Variants in HTR1F observed in about 807,000 individuals in gnomAD.
HTR1F encodes 5-hydroxytryptamine receptor 1F.
A neutral mutation model predicts 24.0 loss-of-function variants in HTR1F; 17 were observed. That is an observed-to-expected ratio of 0.71 (90% CI 0.48 to 1.06). HTR1F has a LOEUF of 1.06. Among genes scored for constraint, HTR1F ranks in the 50% least tolerant of loss-of-function variants. HTR1F has a pLI of 0.00. For missense variants in HTR1F, 391 were observed against 427.8 expected, an observed-to-expected ratio of 0.91 and a Z score of 0.76; for synonymous variants, 186 against 156.8, an observed-to-expected ratio of 1.19 and a Z score of -1.39.
At chr3:87,914,767 G>A (rs1410190602) in intron 2 of HTR1F, among the ~76,000 whole-genome samples, 4 of 152,032 alleles carry the variant, frequency 2.6e-5, no homozygotes, top group Non-Finnish European at 4.4e-5. Context: ...CACCCTGGTA[G>A]CTGAAGACAA....
rs187126300 is a variant in HTR1F at position 87,837,663 on chromosome 3, A to G, written c.-43+15539A>G. On this transcript the variant is annotated intron_variant, in intron 2 of 2. Transcript: ENST00000319595. ...AAATAGATGAATATACAGAATTCTA[A>G]ATACATTGGATAATTTATTATTATT... Among the ~76,000 whole-genome samples, 243 of 152,196 alleles carry G rather than the reference A, an allele frequency of 1.6e-3. No homozygotes were observed. The South Asian group carries it at 0.018, about 11-fold the overall frequency.
At chr3:87,956,171 T>G (rs1184874885) in intron 2 of HTR1F, among the ~76,000 whole-genome samples, 1 of 151,434 alleles carries the variant, frequency 6.6e-6, no homozygotes, top group East Asian at 1.9e-4. Context: ...TGTTTTATTG[T>G]TTTGACTTTT....
In HTR1F at chr3:87,975,955, T is replaced by C. The variant is rs551210504; in HGVS notation, c.-42-14753T>C. Among the ~76,000 whole-genome samples, 5 of 152,332 alleles carry C rather than the reference T, an allele frequency of 3.3e-5. No individual in the cohort carries two copies. In the East Asian group the frequency reaches 5.8e-4, roughly 18 times the overall value. Reference sequence around the variant, plus strand: ...CTGACAGCAATTAGCACTCACACTATGTTACTAGACTTCTGCTTTATGTAC... The same window carrying C: ...CTGACAGCAATTAGCACTCACACTACGTTACTAGACTTCTGCTTTATGTAC... On this transcript the variant is annotated intron_variant, in intron 2 of 2. Transcript: ENST00000319595.
chr3:87,913,513 A>G (rs548284098), intron 2 of HTR1F, among the ~76,000 whole-genome samples: 2 of 152,292 alleles, frequency 1.3e-5, no homozygotes, highest in Non-Finnish European at 2.9e-5. Flanking sequence ...ATTGTGAAAG[A>G]CCATGTGGCA....
At chr3:87,893,865 T>C (rs1303831358) in intron 2 of HTR1F, among the ~76,000 whole-genome samples, 1 of 152,230 alleles carries the variant, frequency 6.6e-6, no homozygotes, top group Non-Finnish European at 1.5e-5. Context: ...ATATGCTTCC[T>C]TGAGATTGGC....
chr3:87,890,868 G>T, intron 2 of HTR1F, among the ~76,000 whole-genome samples: 1 of 146,086 alleles, frequency 6.8e-6, no homozygotes, highest in Non-Finnish European at 1.5e-5. Context: ...TTGAGACAGA[G>T]TCTTGCTCTG....
chr3:87,933,020 T>A (rs1322822818), intron 2 of HTR1F, among the ~76,000 whole-genome samples: 3 of 148,532 alleles, frequency 2.0e-5, no homozygotes, highest in Non-Finnish European at 3.0e-5. Flanking sequence ...CAAGTGGGCT[T>A]CATCCCTGGG....
intron 2 of HTR1F, among the ~76,000 whole-genome samples, chr3:87,844,467 A>G (rs1412245177): frequency 7.4e-6 from 1 of 134,450 alleles, no homozygotes; most frequent in Non-Finnish European, 1.5e-5. Flanking sequence ...ATTTTCTCCC[A>G]TTTTGTAGGT....
chr3:87,932,131 C>T (rs996766991), intron 2 of HTR1F, among the ~76,000 whole-genome samples: 2 of 152,098 alleles, frequency 1.3e-5, no homozygotes, highest in African/African-American at 2.4e-5. Flanking sequence ...TGCCTATGTC[C>T]TGAATGGTAA....
At chr3:87,963,154 A>G (rs568116601) in intron 2 of HTR1F, among the ~76,000 whole-genome samples, 1 of 152,180 alleles carries the variant, frequency 6.6e-6, no homozygotes, top group Non-Finnish European at 1.5e-5. Flanking sequence ...GGTCAAATAA[A>G]TCTACCGAAT....
chr3:87,969,954 C>A (rs1306436638), intron 2 of HTR1F, among the ~76,000 whole-genome samples: 1 of 152,212 alleles, frequency 6.6e-6, no homozygotes, highest in African/African-American at 2.4e-5. Context: ...AGTTCCCCTG[C>A]ACATGCTTTC....
intron 2 of HTR1F, among the ~76,000 whole-genome samples, chr3:87,934,054 C>T (rs1189513730): frequency 2.6e-5 from 4 of 152,150 alleles, no homozygotes; most frequent in South Asian, 2.1e-4. Flanking sequence ...ATATCTGGTT[C>T]GTCTTTGGCC....
chr3:87,837,440 T>C (rs1411895317), intron 2 of HTR1F, among the ~76,000 whole-genome samples: 2 of 152,132 alleles, frequency 1.3e-5, no homozygotes, highest in Non-Finnish European at 2.9e-5. Context: ...TTGAGCATCA[T>C]TGTAATTATT....
chr3:87,930,453 G>C (rs1463330615), intron 2 of HTR1F, among the ~76,000 whole-genome samples: 1 of 152,122 alleles, frequency 6.6e-6, no homozygotes, highest in Non-Finnish European at 1.5e-5. Flanking sequence ...TTTGAGGTAT[G>C]TTCCTGCAAT....
At chr3:87,979,020 G>GAGGC (rs1705466996) in intron 2 of HTR1F, among the ~76,000 whole-genome samples, 1 of 2,778 alleles carries the variant, frequency 3.6e-4, no homozygotes, top group African/African-American at 6.5e-4. Flanking sequence ...GGGAGGGAAG[G>GAGGC]AGGGAGGGAG....
chr3:87,976,676 A>G (rs187830205), intron 2 of HTR1F, among the ~76,000 whole-genome samples: 5 of 152,236 alleles, frequency 3.3e-5, no homozygotes, highest in Non-Finnish European at 2.9e-5. Context: ...TGATTTTGAG[A>G]TAGACCTTGT....
intron 2 of HTR1F, among the ~76,000 whole-genome samples, chr3:87,858,474 C>T (rs1705247638): frequency 6.6e-6 from 1 of 152,140 alleles, no homozygotes; most frequent in African/African-American, 2.4e-5. Context: ...CACCTTTTTC[C>T]TATCCATGGT....
intron 2 of HTR1F, among the ~76,000 whole-genome samples, chr3:87,942,795 T>TA (rs1295864546): frequency 1.3e-5 from 2 of 151,894 alleles, no homozygotes; most frequent in Non-Finnish European, 2.9e-5. Flanking sequence ...ATCTCTATTA[T>TA]AAAAAACCCA....
intron 2 of HTR1F, among the ~76,000 whole-genome samples, chr3:87,889,048 A>C (rs956265614): frequency 6.6e-6 from 1 of 151,850 alleles, no homozygotes; most frequent in Non-Finnish European, 1.5e-5. Context: ...GTGAATTCTT[A>C]CTCTTAGTCC....
Sources: gnomAD v4.1 joint callset for allele counts (sites outside exome capture counted in the v4.1 genomes callset) on GRCh38, gnomAD v4.1.1 for gene constraint, MANE v1.5 for transcripts, NCBI Gene and HGNC (gene_info 2026-07-23, HGNC 2026-07-21) for gene names.